The following GPC5 variants were observed in gnomAD, a reference collection of about 807,000 sequenced individuals.
The protein encoded by GPC5 is glypican 5.
Under a neutral mutation model 53.9 loss-of-function variants are expected in GPC5, and 47 were observed. The observed-to-expected ratio is 0.87, with a 90% CI of 0.69 to 1.11. The LOEUF (loss-of-function observed/expected upper bound fraction) is 1.11. Ranked by LOEUF, GPC5 falls within the 50% of genes most tolerant of loss-of-function variation. GPC5 has a pLI of 0.00. For synonymous variants in GPC5, 286 were observed against 263.3 expected, an observed-to-expected ratio of 1.09 and a Z score of -0.84; for missense variants, 748 against 713.1, an observed-to-expected ratio of 1.05 and a Z score of -0.56.
At chr13:92,318,230 C>G (rs1326313829) in intron 7 of GPC5, among the ~76,000 whole-genome samples, 1 of 152,028 alleles carries the variant, frequency 6.6e-6, no homozygotes, top group Non-Finnish European at 1.5e-5. Flanking sequence ...CTTTGAGTGC[C>G]GTCGGTGGGG....
At chr13:91,686,760 T>G (rs1267018400) in intron 2 of GPC5, among the ~76,000 whole-genome samples, 1 of 152,018 alleles carries the variant, frequency 6.6e-6, no homozygotes, top group Non-Finnish European at 1.5e-5. Context: ...TACCTACCTA[T>G]TCATCTATCT....
intron 7 of GPC5, among the ~76,000 whole-genome samples, chr13:92,182,890 A>T (rs74242109): frequency 9.3e-5 from 14 of 151,128 alleles, no homozygotes; most frequent in East Asian, 6.0e-4. Context: ...AAAAAAAAAA[A>T]GTAAACATTT....
intron 7 of GPC5, among the ~76,000 whole-genome samples, chr13:92,550,540 A>C (rs1882276286): frequency 6.6e-6 from 1 of 151,838 alleles, no homozygotes; most frequent in African/African-American, 2.4e-5. Context: ...CAGAGGCCAA[A>C]AGTAAAGAAA....
chr13:92,473,633 T>G (rs571596686), intron 7 of GPC5, among the ~76,000 whole-genome samples: 2 of 152,278 alleles, frequency 1.3e-5, no homozygotes, highest in Middle Eastern at 3.4e-3. Context: ...TAAAATGATG[T>G]GAATATTTAA....
rs188976028 is a variant in GPC5, at chr13:91,527,598, C to G, written c.325+78676C>G. Among the ~76,000 whole-genome samples the G allele has an allele frequency of 5.4e-4, 83 of 152,362 alleles. 1 individual carries two copies. The highest frequency in any genetic ancestry group is 1.9e-3 in the African/African-American group (80 of 41,592). The stretch of plus-strand genomic sequence containing the variant: ...GCGTCTGGAGGACAGTGCCCACTTA[C>G]AGCTCCACTAAGCAGTACCCCATTA... On this transcript the variant is annotated intron_variant, in intron 2 of 7. Transcript: ENST00000377067.
intron 1 of GPC5, among the ~76,000 whole-genome samples, chr13:91,428,936 T>C (rs1464261117): frequency 6.6e-6 from 1 of 152,184 alleles, no homozygotes; most frequent in Admixed American, 6.5e-5. Context: ...TCTTTTCTTT[T>C]TGAGAGAGAG....
intron 6 of GPC5, among the ~76,000 whole-genome samples, chr13:92,077,804 A>T (rs2041264291): frequency 6.6e-6 from 1 of 152,350 alleles, no homozygotes; most frequent in Admixed American, 6.5e-5. Flanking sequence ...AAAATGAGCA[A>T]GAAGAATAGA....
At chr13:92,766,340 AAAGT>A in intron 7 of GPC5, among the ~76,000 whole-genome samples, 1 of 152,256 alleles carries the variant, frequency 6.6e-6, no homozygotes, top group Non-Finnish European at 1.5e-5. Flanking sequence ...AACCAAACAA[AAAGT>A]AACTGAACAA....
rs576236863 is a variant in GPC5 at position 92,524,824 on chromosome 13, G to T, written c.1562-341458G>T. ...CAGTCACATCATTTTTAAATATGAAGGTTTGCAAGCTAAATACAAGGTCCA... is the reference window on the plus strand; with the variant it reads ...CAGTCACATCATTTTTAAATATGAATGTTTGCAAGCTAAATACAAGGTCCA... On this transcript the variant is annotated intron_variant, in intron 7 of 7. Transcript: ENST00000377067. Among the ~76,000 whole-genome samples, 10 of 152,186 alleles carry T rather than the reference G, an allele frequency of 6.6e-5. No individual in the cohort carries two copies. In the South Asian group the frequency reaches 2.1e-3, roughly 32 times the overall value.
chr13:92,077,265 G>A (rs546415217), intron 6 of GPC5, among the ~76,000 whole-genome samples: 2 of 152,228 alleles, frequency 1.3e-5, no homozygotes, highest in East Asian at 1.9e-4. Flanking sequence ...ACTCATATAT[G>A]GCTCAGAATA....
At chr13:91,612,141 T>C (rs1412703890) in intron 2 of GPC5, among the ~76,000 whole-genome samples, 1 of 152,210 alleles carries the variant, frequency 6.6e-6, no homozygotes, top group Non-Finnish European at 1.5e-5. Context: ...TGAGGAATAC[T>C]AAACAAGAGA....
intron 2 of GPC5, among the ~76,000 whole-genome samples, chr13:91,611,628 T>C (rs1469041011): frequency 2.0e-5 from 3 of 152,196 alleles, no homozygotes; most frequent in African/African-American, 7.2e-5. Context: ...CAGTTTCAGC[T>C]CATGGGTACC....
intron 7 of GPC5, among the ~76,000 whole-genome samples, chr13:92,179,524 A>G (rs1290814841): frequency 6.6e-6 from 1 of 152,214 alleles, no homozygotes; most frequent in East Asian, 1.9e-4. Context: ...CAAAGTAACA[A>G]CTCACTATGC....
intron 1 of GPC5, among the ~76,000 whole-genome samples, chr13:91,415,180 T>G (rs1464073935): frequency 1.3e-5 from 2 of 152,146 alleles, no homozygotes; most frequent in Non-Finnish European, 2.9e-5. Flanking sequence ...GTGTCAGTGT[T>G]GTGTTTGCAG....
chr13:92,283,336 G>C (rs1029816382), intron 7 of GPC5, among the ~76,000 whole-genome samples: 3 of 152,216 alleles, frequency 2.0e-5, no homozygotes, highest in African/African-American at 7.2e-5. Context: ...AGATCAACAA[G>C]ACAGAAAGTT....
intron 5 of GPC5, among the ~76,000 whole-genome samples, chr13:91,861,582 T>G (rs2138912702): frequency 6.6e-6 from 1 of 152,172 alleles, no homozygotes; most frequent in Middle Eastern, 3.4e-3. Flanking sequence ...ATAGGTTTAC[T>G]TTTCACCTAT....
chr13:91,980,669 G>A (rs529335026), intron 6 of GPC5, among the ~76,000 whole-genome samples: 3 of 152,284 alleles, frequency 2.0e-5, no homozygotes, highest in African/African-American at 7.2e-5. Flanking sequence ...ACAGTGAAGT[G>A]CACAATTAAG....
At chr13:91,532,346 T>C (rs1886387649) in intron 2 of GPC5, among the ~76,000 whole-genome samples, 3 of 152,078 alleles carry the variant, frequency 2.0e-5, no homozygotes, top group Admixed American at 1.3e-4. Flanking sequence ...AAACCTAAGG[T>C]CCCAAATAAA....
At chr13:91,519,462 TGA>T (rs1428288224) in intron 2 of GPC5, among the ~76,000 whole-genome samples, 1 of 152,132 alleles carries the variant, frequency 6.6e-6, no homozygotes, top group Non-Finnish European at 1.5e-5. Context: ...TCTGTTCTCA[TGA>T]GAGTGAGTGA....
Sources: allele counts gnomAD v4.1 joint callset (sites outside exome capture counted in the v4.1 genomes callset), GRCh38; gene constraint gnomAD v4.1.1; transcripts MANE v1.5; gene names NCBI Gene and HGNC (gene_info 2026-07-23, HGNC 2026-07-21).